MTREX: variants seen among roughly 807,000 people sequenced by gnomAD.
The protein encoded by MTREX is exosome RNA helicase MTR4.
MTREX carries 76 observed loss-of-function variants against 135.4 expected under a neutral mutation model. The ratio of observed to expected loss-of-function variants is 0.56; its 90% CI spans 0.47 to 0.68. The LOEUF (loss-of-function observed/expected upper bound fraction) is 0.68, where lower values mean the gene tolerates loss of function less well. Ranked by LOEUF, MTREX falls within the 30% of genes least tolerant of loss-of-function variation. The pLI, the probability that MTREX is intolerant of heterozygous loss-of-function variation, is 0.00. For synonymous variants in MTREX, 404 were observed against 401.6 expected, an observed-to-expected ratio of 1.01 and a Z score of -0.07; for missense variants, 920 against 1,262.1, an observed-to-expected ratio of 0.73 and a Z score of 4.11.
Position 55,341,768 on chromosome 5 carries a change from T to C in MTREX, c.778T>C (p.Ser260Pro). 7.0e-7 allele frequency: 1 copy of C among 1,430,702 alleles called. No individual in the cohort carries two copies. Among genetic ancestry groups the C allele is most frequent in the Non-Finnish European group, 9.8e-7 (1 of 1,023,630 alleles). The allele number at this position is 1,430,702 out of a possible 1,614,324, so 88.6% of individuals were successfully genotyped here. The stretch of plus-strand genomic sequence containing the variant: ...TGATGAAATTCATTATATGAGAGAT[T>C]CAGGTATATTCAGTGTTGAAATGTA... ...IFDEIHYMRD[S>P]ERGVVWEETI... is the part of the protein sequence containing the mutation. The change falls in exon 7 of 27, where the codon TCA (serine) becomes CCA (proline). Residue 260 changes from serine (S) to proline (P), a missense_variant. By Grantham distance (74) the Ser-to-Pro change is moderately conservative. Transcript: ENST00000230640.
At chr5:55,423,089 C>A in intron 26 of MTREX, 107 bp downstream of exon 26, 1 of 784,950 alleles carries the variant, frequency 1.3e-6, no homozygotes, top group Non-Finnish European at 2.1e-6. Context: ...TTCTTCACTG[C>A]ATTGTCATGG....
intron 22 of MTREX, among the ~76,000 whole-genome samples, chr5:55,406,344 CCT>C (rs1216347472): frequency 1.3e-5 from 2 of 151,928 alleles, no homozygotes; most frequent in South Asian, 2.1e-4. Context: ...AATGTTAGGA[CCT>C]CTCTCTCTCT....
intron 11 of MTREX, 76 bp downstream of exon 11, chr5:55,347,220 C>T: frequency 7.1e-7 from 1 of 1,405,498 alleles, no homozygotes; most frequent in Non-Finnish European, 9.8e-7. Flanking sequence ...ATATTTTTAT[C>T]TGTTACATAT....
intron 15 of MTREX, among the ~76,000 whole-genome samples, chr5:55,360,576 T>C (rs1749991619): frequency 6.6e-6 from 1 of 152,192 alleles, no homozygotes; most frequent in South Asian, 2.1e-4. Flanking sequence ...ACAAGCATTA[T>C]ATGAGGCTTC....
chr5:55,393,707 C>G (rs899091566), intron 19 of MTREX, among the ~76,000 whole-genome samples: 1 of 152,156 alleles, frequency 6.6e-6, no homozygotes, highest in Non-Finnish European at 1.5e-5. Flanking sequence ...TTTGGACTTA[C>G]AAAGACCAGT....
chr5:55,322,734 C>A (rs772658805), intron 2 of MTREX, among the ~76,000 whole-genome samples: 3 of 152,100 alleles, frequency 2.0e-5, no homozygotes, highest in African/African-American at 7.2e-5. Flanking sequence ...AATACGTTTT[C>A]TTTATTTGTA....
chr5:55,423,462 G>C (rs1213329203), intron 26 of MTREX: 1 of 154,406 alleles, frequency 6.5e-6, no homozygotes, highest in Non-Finnish European at 1.4e-5. Flanking sequence ...CCAGCAAGAG[G>C]CCAGTGTGGC....
intron 21 of MTREX, among the ~76,000 whole-genome samples, chr5:55,404,659 G>A (rs190029531): frequency 6.3e-4 from 96 of 152,246 alleles, no homozygotes; most frequent in African/African-American, 2.2e-3. Context: ...TGTCTTGGGA[G>A]AGCCTATCCT....
At chr5:55,386,817 A>G (rs1014801026) in intron 18 of MTREX, among the ~76,000 whole-genome samples, 1 of 152,100 alleles carries the variant, frequency 6.6e-6, no homozygotes, top group Non-Finnish European at 1.5e-5. Flanking sequence ...TAATTCATCT[A>G]TCACATTGTG....
intron 19 of MTREX, among the ~76,000 whole-genome samples, chr5:55,395,508 A>C (rs1750633340): frequency 6.6e-6 from 1 of 152,232 alleles, no homozygotes; most frequent in African/African-American, 2.4e-5. Flanking sequence ...GTGGATGCTG[A>C]AACTGGCAAA....
intron 19 of MTREX, among the ~76,000 whole-genome samples, chr5:55,390,848 C>T (rs1561206172): frequency 6.6e-6 from 1 of 152,118 alleles, no homozygotes; most frequent in Non-Finnish European, 1.5e-5. Context: ...ATAATATTTG[C>T]TGTTTTGGCA....
chr5:55,374,265 T>TATATATAC (rs1491471733), intron 16 of MTREX, among the ~76,000 whole-genome samples: 4 of 93,136 alleles, frequency 4.3e-5, no homozygotes, highest in Admixed American at 1.9e-4. Context: ...AAAAAACATT[T>TATATATAC]ATATATATAT....
In MTREX at chr5:55,416,114, A is replaced by ATTT. The variant is rs1750962149; in HGVS notation, c.2954_2955insTTT (p.Met985delinsIleLeu). 6.3e-7 allele frequency: 1 copy of ATTT among 1,588,078 alleles called. No individual in the cohort carries two copies. Among genetic ancestry groups the ATTT allele is most frequent in the African/African-American group, 1.4e-5 (1 of 73,200 alleles). On this transcript the variant is annotated protein_altering_variant, in exon 25 of 27. Coordinates refer to ENST00000230640, the MANE Select transcript of MTREX (RefSeq NM_015360.5). Reference sequence around the variant, plus strand: ...AGCTACATTTGCCCATATCTGCAAAATGACAGATGTCTTTGAAGGTATGGT... The same window carrying ATTT: ...AGCTACATTTGCCCATATCTGCAAAATTTTGACAGATGTCTTTGAAGGTATGGT...
intron 21 of MTREX, among the ~76,000 whole-genome samples, chr5:55,400,753 C>T (rs957713718): frequency 1.2e-4 from 18 of 152,184 alleles, no homozygotes; most frequent in Admixed American, 1.1e-3. Flanking sequence ...ACCATCACCA[C>T]TATGTAACTT....
Position 55,397,455 on chromosome 5 carries a change from A to G in MTREX, c.2221A>G (p.Ser741Gly). The change falls in exon 20 of 27, where the codon AGT becomes GGT. Residue 741 changes from serine (S) to glycine (G), a missense_variant. By Grantham distance (56) the Ser-to-Gly change is moderately conservative (BLOSUM62 0). Transcript: ENST00000230640. ...GGTGCATCTCCTGTCTGCTATCAGC[A>G]GTGTTAGGCTTTACATTCCTAAAGA... ...VLVHLLSAIS[S>G]VRLYIPKDLR... 1 of 1,609,838 alleles carries G rather than the reference A, an allele frequency of 6.2e-7. No homozygotes were observed. Among genetic ancestry groups the G allele is most frequent in the South Asian group, 1.1e-5 (1 of 90,432 alleles).
chr5:55,414,101 T>C, intron 23 of MTREX, 81 bp from the exon 24 acceptor site: 1 of 968,854 alleles, frequency 1.0e-6, no homozygotes, highest in Admixed American at 2.7e-5. Flanking sequence ...TTACAAGCTT[T>C]AATTTGTTAA....
intron 16 of MTREX, among the ~76,000 whole-genome samples, chr5:55,368,900 A>AT (rs1750149161): frequency 6.6e-6 from 1 of 152,216 alleles, no homozygotes; most frequent in African/African-American, 2.4e-5. Context: ...AGATTTTTGA[A>AT]TTTTTTTTAA....
Position 55,397,403 on chromosome 5 carries a change from T to C in MTREX, c.2182-13T>C. On this transcript the variant is annotated splice_polypyrimidine_tract_variant and intron_variant, in intron 19 of 26. Transcript: ENST00000230640. ...AAATTTAACTGTAATACTGTATAAC[T>C]TTTTGGTCATAGGTTGTCCCAGTTT... 1 of 1,566,492 alleles carries C rather than the reference T, an allele frequency of 6.4e-7. No homozygotes were observed. The highest frequency in any genetic ancestry group is 8.8e-7 in the Non-Finnish European group (1 of 1,141,638).
At position 55,425,329 on chromosome 5, in the gene MTREX, T is replaced by G; in HGVS notation, c.*557T>G. On this transcript the variant is annotated 3_prime_UTR_variant, in exon 27 of 27. Coordinates refer to ENST00000230640, the MANE Select transcript of MTREX (RefSeq NM_015360.5). ...TTTCTTTGAAGAAATCCGATACATA[T>G]ACAGCCTACAGTGCAAAATATTTAA... 6.3e-7 allele frequency: 1 copy of G among 1,597,548 alleles called. No homozygotes were observed. The highest frequency in any genetic ancestry group is 1.3e-5 in the African/African-American group (1 of 74,350).
Sources: gnomAD v4.1 joint callset for allele counts (sites outside exome capture counted in the v4.1 genomes callset) on GRCh38, gnomAD v4.1.1 for gene constraint, MANE v1.5 for transcripts, NCBI Gene and HGNC (gene_info 2026-07-23, HGNC 2026-07-21) for gene names.